Variants in PCDHA3 observed in about 807,000 individuals in gnomAD.
PCDHA3 encodes protocadherin alpha 3.
Under a neutral mutation model 62.2 loss-of-function variants are expected in PCDHA3, and 41 were observed. The ratio of observed to expected loss-of-function variants is 0.66; its 90% confidence interval spans 0.51 to 0.86. The LOEUF is 0.86. Among genes scored for constraint, PCDHA3 ranks in the 40% least tolerant of loss-of-function variants. The pLI is 0.00. For missense variants in PCDHA3, 1,304 were observed against 1,241.2 expected, an observed-to-expected ratio of 1.05 and a Z score of -0.76; for synonymous variants, 640 against 555.4, an observed-to-expected ratio of 1.15 and a Z score of -2.14.
chr5:140,967,056 G>A, intron 1 of PCDHA3: 1 of 1,612,712 alleles, frequency 6.2e-7, no homozygotes, highest in Non-Finnish European at 8.5e-7. Context: ...CTGACGAGTG[G>A]AGCGCTCTTC....
In PCDHA3 at chr5:140,879,837, T is replaced by C. The variant is rs150709679; in HGVS notation, c.2394+76246T>C. ...GTTGGTGTTCCCTGGCTTGTGGCTGTACCACTCCCATCTCAGCCTTCTCAG... is the reference window on the plus strand; with the variant it reads ...GTTGGTGTTCCCTGGCTTGTGGCTGCACCACTCCCATCTCAGCCTTCTCAG... On this transcript the variant is annotated intron_variant, in intron 1 of 3. Coordinates refer to ENST00000522353, the MANE Select transcript of PCDHA3 (RefSeq NM_018906.3). Among the ~76,000 whole-genome samples, 861 of 152,350 alleles carry C rather than the reference T, an allele frequency of 5.7e-3. 5 individuals are homozygous for C. The highest frequency in any genetic ancestry group is 0.014 in the Middle Eastern group (4 of 294).
Position 140,843,291 on chromosome 5 carries a change from C to T in PCDHA3, c.2394+39700C>T, listed in dbSNP as rs2150356588. The T allele has an allele frequency of 1.3e-6, 2 of 1,595,988 alleles. 1 individual carries two copies. The highest frequency in any genetic ancestry group is 1.7e-6 in the Non-Finnish European group (2 of 1,165,560). On this transcript the variant is annotated intron_variant, in intron 1 of 3. Coordinates refer to ENST00000522353, the MANE Select transcript of PCDHA3 (RefSeq NM_018906.3). Reference sequence around the variant, plus strand: ...GTCCTGGTGAAGGATCATGGTGAACCTGCGCTGACCGCCACGGCCACGGTT... The same window carrying T: ...GTCCTGGTGAAGGATCATGGTGAACTTGCGCTGACCGCCACGGCCACGGTT...
At chr5:140,968,519 A>C (rs1030847582) in intron 1 of PCDHA3, 1 of 1,614,008 alleles carries the variant, frequency 6.2e-7, no homozygotes, top group African/African-American at 1.3e-5. Flanking sequence ...CCCTACCTCA[A>C]CCAACTCGTC....
intron 1 of PCDHA3, among the ~76,000 whole-genome samples, chr5:140,874,252 G>A (rs532178726): frequency 6.6e-6 from 1 of 152,286 alleles, no homozygotes; most frequent in Non-Finnish European, 1.5e-5. Flanking sequence ...TTGGTTTAAA[G>A]ATTTTGACTT....
At chr5:140,834,627 G>T (rs1773156912) in intron 1 of PCDHA3, 4 of 1,614,188 alleles carry the variant, frequency 2.5e-6, no homozygotes, top group Non-Finnish European at 3.4e-6. Context: ...TCTGCAGAAT[G>T]GCATTTTGTT....
intron 1 of PCDHA3, chr5:140,842,977 G>C: frequency 6.3e-7 from 1 of 1,595,034 alleles, no homozygotes; most frequent in Non-Finnish European, 8.6e-7. Context: ...TGACGCTGCA[G>C]GTGTTCGTGC....
intron 3 of PCDHA3, among the ~76,000 whole-genome samples, chr5:141,004,025 A>G (rs191768123): frequency 1.3e-5 from 2 of 152,316 alleles, no homozygotes; most frequent in Non-Finnish European, 2.9e-5. Context: ...AAGAAGAAAC[A>G]TTTCCTTGAT....
chr5:140,933,494 T>C (rs901456699), intron 1 of PCDHA3, among the ~76,000 whole-genome samples: 3 of 152,110 alleles, frequency 2.0e-5, no homozygotes, highest in Non-Finnish European at 4.4e-5. Context: ...TTCTTTAGAA[T>C]TGTTAAGCAA....
rs1554121829 is a variant in PCDHA3, at chr5:140,802,021, A to G, written c.824A>G (p.Lys275Arg). Residue 275 changes from lysine to arginine, a missense_variant, in exon 1 of 4, where the codon AAG becomes AGG. Lys to Arg is a conservative substitution (Grantham distance 26, BLOSUM62 2). Transcript: ENST00000522353. The stretch of plus-strand genomic sequence containing the variant: ...ACCGATTTGGATGAAGGAGTAAATA[A>G]GGATATCGCGTATTCTTTCAATACG... ...NATDLDEGVN[K>R]DIAYSFNTDM... The G allele has an allele frequency of 6.2e-7, 1 of 1,614,228 alleles. No individual in the cohort carries two copies. The highest frequency in any genetic ancestry group is 8.5e-7 in the Non-Finnish European group (1 of 1,180,050).
rs1174845394 is a variant in PCDHA3, at chr5:140,833,140, TGAAGCAATAC to T, written c.2394+29553_2394+29562del. On this transcript the variant is annotated intron_variant, in intron 1 of 3. Coordinates refer to ENST00000522353, the MANE Select transcript of PCDHA3 (RefSeq NM_018906.3). ...GTCATTTGAAAGCTGTCAAAAAGTG[TGAAGCAATAC>T]GAATAAAAAGTATTAACGGAAGATG... Among the ~76,000 whole-genome samples, 7 of 152,296 alleles carry T rather than the reference TGAAGCAATAC, an allele frequency of 4.6e-5. No individual in the cohort carries two copies. In the East Asian group the frequency reaches 1.3e-3, roughly 29 times the overall value.
rs543512832 is a variant in PCDHA3 at position 140,899,964 on chromosome 5, T to C, written c.2395-78985T>C. On this transcript the variant is annotated intron_variant, in intron 1 of 3. Coordinates refer to ENST00000522353, the MANE Select transcript of PCDHA3 (RefSeq NM_018906.3). Reference sequence around the variant, plus strand: ...CTGGGACCACAGGCATGTGCTGCCATGCCCAGCTACTTTTTTGATTTTTTT... The same window carrying C: ...CTGGGACCACAGGCATGTGCTGCCACGCCCAGCTACTTTTTTGATTTTTTT... 3.3e-5 allele frequency among the ~76,000 whole-genome samples: 5 copies of C among 151,940 alleles called. No individual in the cohort carries two copies. In the South Asian group the frequency reaches 6.2e-4, roughly 19 times the overall value.
chr5:140,876,862 G>A (rs1554169053), intron 1 of PCDHA3: 2 of 1,614,168 alleles, frequency 1.2e-6, no homozygotes, highest in Non-Finnish European at 1.7e-6. Context: ...CACAGTGTTC[G>A]TGAAGGAGAA....
At chr5:140,843,128 T>G (rs2150353491) in intron 1 of PCDHA3, 1 of 1,595,926 alleles carries the variant, frequency 6.3e-7, no homozygotes, top group Admixed American at 1.7e-5. Flanking sequence ...CGACTCGGGC[T>G]ACAACGCGTG....
chr5:140,999,295 T>G (rs1554256739), intron 3 of PCDHA3, among the ~76,000 whole-genome samples: 1 of 152,238 alleles, frequency 6.6e-6, no homozygotes, highest in Non-Finnish European at 1.5e-5. Context: ...ATTCTTTATT[T>G]CAGAATTTCT....
intron 3 of PCDHA3, among the ~76,000 whole-genome samples, chr5:140,998,912 C>T (rs1256504660): frequency 6.6e-6 from 1 of 152,182 alleles, no homozygotes; most frequent in Admixed American, 6.6e-5. Context: ...CGGGAGGTAG[C>T]TATTATATCC....
rs2150261271 is a variant in PCDHA3 at position 140,836,456 on chromosome 5, C to G, written c.2394+32865C>G. ...CGTTGGGCATTGCAGGCCCAGAGAC[C>G]GAGCTGGTGGATGTCAACGTGTACC... On this transcript the variant is annotated intron_variant, in intron 1 of 3. Transcript: ENST00000522353. 17 of 1,613,808 alleles carry G rather than the reference C, an allele frequency of 1.1e-5. 2 individuals carry two copies. The highest frequency in any genetic ancestry group is 6.6e-5 in the South Asian group (6 of 91,076).
chr5:140,850,741 C>A, intron 1 of PCDHA3: 1 of 1,597,822 alleles, frequency 6.3e-7, no homozygotes, highest in Non-Finnish European at 8.6e-7. Context: ...GGGAGTTGGT[C>A]GTACTCGCAG....
intron 1 of PCDHA3, among the ~76,000 whole-genome samples, chr5:140,921,582 A>G (rs1451313725): frequency 6.6e-6 from 1 of 152,200 alleles, no homozygotes; most frequent in Non-Finnish European, 1.5e-5. Context: ...AGCTCATACT[A>G]TATTATGGTT....
chr5:140,808,618 G>C, intron 1 of PCDHA3: 2 of 1,613,776 alleles, frequency 1.2e-6, no homozygotes, highest in Non-Finnish European at 1.7e-6. Flanking sequence ...TCTTCACTGT[G>C]TCTGCGTGGG....
Sources: allele counts gnomAD v4.1 joint callset (sites outside exome capture counted in the v4.1 genomes callset), GRCh38; gene constraint gnomAD v4.1.1; transcripts MANE v1.5; gene names NCBI Gene and HGNC (gene_info 2026-07-23, HGNC 2026-07-21).